RAB3B: variants seen among roughly 807,000 people sequenced by gnomAD.
The protein encoded by RAB3B is RAB3B, member RAS oncogene family.
RAB3B carries 11 observed loss-of-function variants against 20.5 expected under a neutral mutation model. That is an observed-to-expected ratio of 0.54 (90% CI 0.34 to 0.89). RAB3B has a LOEUF of 0.89. Ranked by LOEUF, RAB3B falls within the 40% of genes least tolerant of loss-of-function variation. The pLI is 0.02. For synonymous variants in RAB3B, 99 were observed against 106.3 expected (o/e 0.93, Z 0.42); for missense variants, 225 against 280.9 (o/e 0.80, Z 1.42).
At chr1:51,974,084 T>A (rs1409883695) in intron 2 of RAB3B, among the ~76,000 whole-genome samples, 1 of 152,204 alleles carries the variant, frequency 6.6e-6, no homozygotes, top group Admixed American at 6.5e-5. Context: ...ATCTGCCACC[T>A]ATAGCCTCTC....
rs142695539 is a variant in RAB3B at position 51,986,668 on chromosome 1, C to T, written c.-1+3884G>A. Reference sequence around the variant, plus strand: ...CCCAACATCCTGAGTGTCCTGCTACCGTACTGTACTTGCCATACCACACTG... The same window carrying T: ...CCCAACATCCTGAGTGTCCTGCTACTGTACTGTACTTGCCATACCACACTG... On this transcript the variant is annotated intron_variant, in intron 1 of 4. Coordinates refer to ENST00000371655, the MANE Select transcript of RAB3B (RefSeq NM_002867.4). Among the ~76,000 whole-genome samples the T allele has an allele frequency of 9.2e-5, 14 of 152,226 alleles. No homozygotes were observed. In the East Asian group the frequency reaches 2.1e-3, roughly 23 times the overall value.
intron 4 of RAB3B, among the ~76,000 whole-genome samples, chr1:51,928,398 A>T (rs552390255): frequency 6.6e-6 from 1 of 152,200 alleles, no homozygotes; most frequent in Admixed American, 6.5e-5. Context: ...TGAGCCACCA[A>T]GCCCAGCCTC....
At position 51,908,637 on chromosome 1, in the gene RAB3B, AC is replaced by A. The variant is rs1683953902; in HGVS notation, c.*11289del. The A allele has an allele frequency of 6.6e-6, 1 of 151,866 alleles. No homozygotes were observed. The highest frequency in any genetic ancestry group is 2.4e-5 in the African/African-American group (1 of 41,312). The allele number at this position is 151,866 out of a possible 1,614,324, so 9.4% of individuals were successfully genotyped here. A position where few individuals can be genotyped will look rare whatever the true frequency, so the allele number is the denominator to read the frequency against. On this transcript the variant is annotated 3_prime_UTR_variant, in exon 5 of 5. Transcript: ENST00000371655. ...CACAAGCAGAGGAAGTCATACGTAG[AC>A]AAAACAGATGTTTAGGTTTTCTCTT...
chr1:51,919,554 G>A lies in RAB3B; in HGVS notation c.*373C>T, dbSNP rs553684338. ...GCTATGCAGGCGAGCCTCACTTTAC[G>A]CAATTGGCATGCCCCTGAAGAATGT... On this transcript the variant is annotated 3_prime_UTR_variant, in exon 5 of 5. Coordinates refer to ENST00000371655, the MANE Select transcript of RAB3B (RefSeq NM_002867.4). The A allele has an allele frequency of 5.1e-4, 88 of 171,520 alleles. No homozygotes were observed. The highest frequency in any genetic ancestry group is 1.9e-3 in the African/African-American group (80 of 42,362). The allele number at this position is 171,520 out of a possible 1,614,324, so 10.6% of individuals were successfully genotyped here. A position where few individuals can be genotyped will look rare whatever the true frequency, so the allele number is the denominator to read the frequency against.
rs1557958103 is a variant in RAB3B at position 51,912,600 on chromosome 1, T to TATATAA, written c.*7326_*7327insTTATAT. The stretch of plus-strand genomic sequence containing the variant: ...ATATATATATATATATATATATATA[T>TATATAA]AAAAAATGTTACTCCTGTGAGACAG... On this transcript the variant is annotated 3_prime_UTR_variant, in exon 5 of 5. Transcript: ENST00000371655. 6.5e-5 allele frequency: 2 copies of TATATAA among 30,662 alleles called. No homozygotes were observed. Among genetic ancestry groups the TATATAA allele is most frequent in the African/African-American group, 1.2e-4 (1 of 8,196 alleles). The allele number at this position is 30,662 out of a possible 1,614,324, so 1.9% of individuals were successfully genotyped here.
chr1:51,955,519 G>A (rs1373013234), intron 2 of RAB3B, among the ~76,000 whole-genome samples: 2 of 152,070 alleles, frequency 1.3e-5, no homozygotes, highest in African/African-American at 4.8e-5. Flanking sequence ...AGCCTCCTGA[G>A]TAGCTGCGAT....
At chr1:51,985,835 G>A (rs1016920945) in intron 1 of RAB3B, among the ~76,000 whole-genome samples, 5 of 148,206 alleles carry the variant, frequency 3.4e-5, no homozygotes, top group African/African-American at 7.5e-5. Context: ...ATCTACCTCC[G>A]TTTATCTTAC....
At chr1:51,929,607 C>T (rs756521139) in intron 4 of RAB3B, among the ~76,000 whole-genome samples, 3 of 152,130 alleles carry the variant, frequency 2.0e-5, no homozygotes, top group African/African-American at 7.2e-5. Flanking sequence ...TGAGCCACTG[C>T]GCCCAGCCAA....
At chr1:51,961,484 A>G (rs1406237235) in intron 2 of RAB3B, among the ~76,000 whole-genome samples, 1 of 152,112 alleles carries the variant, frequency 6.6e-6, no homozygotes, top group Non-Finnish European at 1.5e-5. Context: ...CTCTGGTGGC[A>G]AACATCCCTA....
chr1:51,941,554 A>G (rs1480175729), intron 2 of RAB3B, among the ~76,000 whole-genome samples: 2 of 152,286 alleles, frequency 1.3e-5, no homozygotes, highest in East Asian at 3.9e-4. Context: ...ATTATAGGGA[A>G]TGGTGATAGA....
intron 2 of RAB3B, among the ~76,000 whole-genome samples, chr1:51,976,321 A>T (rs1685008809): frequency 6.6e-6 from 1 of 152,042 alleles, no homozygotes; most frequent in Admixed American, 6.5e-5. Context: ...GCCCACCACC[A>T]TGCCCAGCTA....
intron 3 of RAB3B, among the ~76,000 whole-genome samples, chr1:51,935,064 A>G (rs1266724117): frequency 6.6e-6 from 1 of 152,082 alleles, no homozygotes; most frequent in South Asian, 2.1e-4. Context: ...CGGCCTATTC[A>G]TCTTTGGGAT....
At chr1:51,946,702 C>T (rs977067663) in intron 2 of RAB3B, among the ~76,000 whole-genome samples, 2 of 152,174 alleles carry the variant, frequency 1.3e-5, no homozygotes, top group Non-Finnish European at 2.9e-5. Flanking sequence ...TTGGTAAGTG[C>T]TTTATATATG....
intron 3 of RAB3B, among the ~76,000 whole-genome samples, chr1:51,935,839 GAAGA>G (rs905421074): frequency 1.3e-5 from 2 of 152,072 alleles, no homozygotes; most frequent in African/African-American, 2.4e-5. Context: ...AAGGTAGAGG[GAAGA>G]AAGAGTTATT....
chr1:51,923,382 G>A (rs1336950195), intron 4 of RAB3B, among the ~76,000 whole-genome samples: 7 of 152,106 alleles, frequency 4.6e-5, no homozygotes, highest in Non-Finnish European at 7.3e-5. Context: ...AGGAGAGGAG[G>A]AGGAAGCTTC....
chr1:51,972,494 T>C (rs1349440066), intron 2 of RAB3B, among the ~76,000 whole-genome samples: 2 of 150,038 alleles, frequency 1.3e-5, no homozygotes, highest in African/African-American at 4.9e-5. Context: ...TTTTTCTTTT[T>C]TTTTTTTTTT....
At chr1:51,974,383 C>T (rs1404900622) in intron 2 of RAB3B, among the ~76,000 whole-genome samples, 3 of 152,164 alleles carry the variant, frequency 2.0e-5, no homozygotes, top group Non-Finnish European at 4.4e-5. Context: ...TGTCACTCAC[C>T]CACCAGAGTT....
At chr1:51,948,593 G>C (rs578198560) in intron 2 of RAB3B, among the ~76,000 whole-genome samples, 76 of 152,280 alleles carry the variant, frequency 5.0e-4, no homozygotes, top group Non-Finnish European at 8.8e-4. Context: ...TTGGGTGGGG[G>C]TTCTGAAGCG....
chr1:51,951,668 T>C (rs1684644453), intron 2 of RAB3B, among the ~76,000 whole-genome samples: 1 of 152,048 alleles, frequency 6.6e-6, no homozygotes, highest in Admixed American at 6.6e-5. Flanking sequence ...AAAAATTAGC[T>C]GGGCATGGTG....
Sources: allele counts gnomAD v4.1 joint callset (sites outside exome capture counted in the v4.1 genomes callset), GRCh38; gene constraint gnomAD v4.1.1; transcripts MANE v1.5; gene names NCBI Gene and HGNC (gene_info 2026-07-23, HGNC 2026-07-21).